Variants in SLC4A4 observed in about 807,000 individuals in gnomAD.
SLC4A4 encodes electrogenic sodium bicarbonate cotransporter 1.
A neutral mutation model predicts 111.5 loss-of-function variants in SLC4A4; 27 were observed. The ratio of observed to expected loss-of-function variants is 0.24; its 90% CI spans 0.18 to 0.33. The LOEUF (loss-of-function observed/expected upper bound fraction) is 0.33. SLC4A4 is among the 10% of genes least tolerant of loss of function. The pLI is 1.00. For synonymous variants in SLC4A4, 443 were observed against 463.4 expected (o/e 0.96, Z 0.57); for missense variants, 909 against 1,315.5 (o/e 0.69, Z 4.78).
chr4:71,335,681 C>T (rs1243896801), intron 3 of SLC4A4, among the ~76,000 whole-genome samples: 5 of 151,994 alleles, frequency 3.3e-5, no homozygotes, highest in South Asian at 2.1e-4. Context: ...AAAAATTAGC[C>T]GGGCATTGTG....
At chr4:71,366,972 A>G (rs748175629) in intron 6 of SLC4A4, among the ~76,000 whole-genome samples, 1 of 152,216 alleles carries the variant, frequency 6.6e-6, no homozygotes, top group Non-Finnish European at 1.5e-5. Flanking sequence ...AGGCTTTGCT[A>G]AAACACAGGT....
At chr4:71,330,888 G>T (rs1489516357) in intron 3 of SLC4A4, among the ~76,000 whole-genome samples, 1 of 151,628 alleles carries the variant, frequency 6.6e-6, no homozygotes, top group African/African-American at 2.4e-5. Flanking sequence ...AAATTTACAA[G>T]AAAAAAACAA....
chr4:71,424,791 T>A (rs1372831754), intron 7 of SLC4A4, among the ~76,000 whole-genome samples: 1 of 151,504 alleles, frequency 6.6e-6, no homozygotes, highest in Non-Finnish European at 1.5e-5. Context: ...AATTGAACAA[T>A]GAGAACACGT....
chr4:71,271,667 G>T (rs1467338787), intron 3 of SLC4A4, among the ~76,000 whole-genome samples: 1 of 152,112 alleles, frequency 6.6e-6, no homozygotes, highest in Non-Finnish European at 1.5e-5. Context: ...TACTAGGATT[G>T]TATTCAAAAT....
At chr4:71,136,333 ATCT>A (rs1304107083) in intron 2 of SLC4A4, among the ~76,000 whole-genome samples, 2 of 152,226 alleles carry the variant, frequency 1.3e-5, no homozygotes, top group African/African-American at 2.4e-5. Context: ...TTTCTCACTA[ATCT>A]TCTATAGGAA....
intron 18 of SLC4A4, among the ~76,000 whole-genome samples, chr4:71,538,884 T>C (rs1025175442): frequency 6.6e-6 from 1 of 152,066 alleles, no homozygotes; most frequent in Non-Finnish European, 1.5e-5. Flanking sequence ...AGCAAGGTCA[T>C]GATTCCTTTA....
intron 6 of SLC4A4, among the ~76,000 whole-genome samples, chr4:71,377,952 G>A (rs1250876198): frequency 1.3e-5 from 2 of 152,076 alleles, no homozygotes; most frequent in Non-Finnish European, 2.9e-5. Flanking sequence ...GGAGGTGAAA[G>A]GCACTTCTTA....
intron 1 of SLC4A4, among the ~76,000 whole-genome samples, chr4:71,207,815 C>T (rs2149008806): frequency 1.3e-5 from 2 of 152,108 alleles, no homozygotes; most frequent in Middle Eastern, 6.8e-3. Flanking sequence ...GAAGGCTTTC[C>T]TCCTTTTTCT....
chr4:71,320,140 C>T (rs1727005899), intron 3 of SLC4A4, among the ~76,000 whole-genome samples: 1 of 152,004 alleles, frequency 6.6e-6, no homozygotes, highest in South Asian at 2.1e-4. Context: ...CTTCCCCTTC[C>T]ACACCACTTG....
chr4:71,174,903 TC>T (rs779436674), intron 2 of SLC4A4, among the ~76,000 whole-genome samples: 4 of 152,202 alleles, frequency 2.6e-5, no homozygotes, highest in Non-Finnish European at 5.9e-5. Flanking sequence ...AATCTTTTTG[TC>T]CTTTTCTGAC....
At chr4:71,158,118 T>C (rs1744525399) in intron 2 of SLC4A4, among the ~76,000 whole-genome samples, 1 of 151,396 alleles carries the variant, frequency 6.6e-6, no homozygotes, top group African/African-American at 2.4e-5. Context: ...TGTGTGTGTG[T>C]GTGTGTGTGT....
chr4:71,066,375 T>C (rs1448912796), intron 1 of SLC4A4, among the ~76,000 whole-genome samples: 1 of 152,226 alleles, frequency 6.6e-6, no homozygotes, highest in Non-Finnish European at 1.5e-5. Context: ...TCCCATTTTA[T>C]ATCTAGTAAG....
At chr4:71,385,031 TA>T (rs987956283) in intron 6 of SLC4A4, among the ~76,000 whole-genome samples, 3 of 151,020 alleles carry the variant, frequency 2.0e-5, no homozygotes, top group Non-Finnish European at 3.0e-5. Context: ...AGTATAATAA[TA>T]AAAAATTTAA....
chr4:71,177,791 A>G (rs926988149), intron 2 of SLC4A4, among the ~76,000 whole-genome samples: 3 of 152,200 alleles, frequency 2.0e-5, no homozygotes, highest in African/African-American at 7.2e-5. Flanking sequence ...GTTAACAAGG[A>G]TATCCAGGAA....
At position 71,157,480 on chromosome 4, in the gene SLC4A4, G is replaced by A. The variant is rs117356387; in HGVS notation, c.-2+64688G>A. Reference sequence around the variant, plus strand: ...TGAATCAAATTTTAAGATTTTTTATGTCTAGATCTTTTGCATACCAAAATG... The same window carrying A: ...TGAATCAAATTTTAAGATTTTTTATATCTAGATCTTTTGCATACCAAAATG... On this transcript the variant is annotated intron_variant, in intron 2 of 26. Coordinates refer to the SLC4A4 transcript ENST00000649996. 4.6e-5 allele frequency among the ~76,000 whole-genome samples: 7 copies of A among 152,098 alleles called. No homozygotes were observed. In the East Asian group the frequency reaches 1.2e-3, roughly 25 times the overall value.
At chr4:71,076,714 G>T (rs920892330) in intron 1 of SLC4A4, among the ~76,000 whole-genome samples, 1 of 152,118 alleles carries the variant, frequency 6.6e-6, no homozygotes, top group East Asian at 1.9e-4. Flanking sequence ...AATAAGGCCA[G>T]GCACAGTGGC....
At chr4:71,088,175 C>T (rs533036616) in intron 1 of SLC4A4, among the ~76,000 whole-genome samples, 5 of 151,294 alleles carry the variant, frequency 3.3e-5, no homozygotes, top group Admixed American at 2.0e-4. Flanking sequence ...TTCTTTGTCT[C>T]TTTTGATCTT....
intron 15 of SLC4A4, among the ~76,000 whole-genome samples, chr4:71,490,544 T>G (rs926713189): frequency 1.3e-5 from 2 of 151,828 alleles, no homozygotes; most frequent in Non-Finnish European, 2.9e-5. Context: ...AGCCTTCAGA[T>G]GGCAGATACC....
chr4:71,250,178 A>ACATT (rs1370902294), intron 2 of SLC4A4, among the ~76,000 whole-genome samples: 1 of 152,038 alleles, frequency 6.6e-6, no homozygotes, highest in African/African-American at 2.4e-5. Flanking sequence ...TGTTCTACCT[A>ACATT]CATTCCTCTT....
Sources: gnomAD v4.1 joint callset for allele counts (sites outside exome capture counted in the v4.1 genomes callset) on GRCh38, gnomAD v4.1.1 for gene constraint, MANE v1.5 for transcripts, NCBI Gene and HGNC (gene_info 2026-07-23, HGNC 2026-07-21) for gene names.